The following MPZL3 variants were observed in gnomAD, a reference collection of about 807,000 sequenced individuals.
MPZL3 encodes the protein myelin protein zero like 3, also known as myelin protein zero-like protein 3.
MPZL3 carries 23 observed loss-of-function variants against 24.8 expected under a neutral mutation model. The ratio of observed to expected loss-of-function variants is 0.93; its 90% CI spans 0.67 to 1.31. MPZL3 has a LOEUF of 1.31. MPZL3 is among the 40% of genes most tolerant of loss of function. The pLI is 0.00. For missense variants in MPZL3, 277 were observed against 294.9 expected, an observed-to-expected ratio of 0.94 and a Z score of 0.44; for synonymous variants, 99 against 106.5, an observed-to-expected ratio of 0.93 and a Z score of 0.44.
intron 2 of MPZL3, among the ~76,000 whole-genome samples, chr11:118,239,557 A>C (rs931803259): frequency 2.0e-5 from 3 of 152,248 alleles, no homozygotes; most frequent in South Asian, 2.1e-4. Context: ...TTTAATCTTC[A>C]ATTAGACACC....
At chr11:118,234,154 G>A (rs959480421) in intron 4 of MPZL3, among the ~76,000 whole-genome samples, 3 of 152,190 alleles carry the variant, frequency 2.0e-5, no homozygotes, top group Non-Finnish European at 4.4e-5. Context: ...AGTGTACTGA[G>A]CACTGACAAA....
intron 3 of MPZL3, 123 bp from the exon 4 acceptor site, chr11:118,235,712 T>C (rs1591491842): frequency 9.8e-7 from 1 of 1,017,898 alleles, no homozygotes; most frequent in East Asian, 2.6e-5. Flanking sequence ...TAAATCATTG[T>C]GTGAAAGGTA....
At chr11:118,242,336 ATGT>A (rs1949508225) in intron 1 of MPZL3, among the ~76,000 whole-genome samples, 1 of 152,240 alleles carries the variant, frequency 6.6e-6, no homozygotes, top group South Asian at 2.1e-4. Context: ...CATTTTGATC[ATGT>A]TGTTCATTTC....
chr11:118,231,580 T>C (rs1444707004), intron 5 of MPZL3, among the ~76,000 whole-genome samples: 2 of 152,210 alleles, frequency 1.3e-5, no homozygotes, highest in African/African-American at 4.8e-5. Flanking sequence ...GGAAGTTTAA[T>C]AAGTATTTCA....
intron 4 of MPZL3, among the ~76,000 whole-genome samples, chr11:118,235,204 G>A (rs147167797): frequency 4.7e-4 from 71 of 152,270 alleles, no homozygotes; most frequent in Non-Finnish European, 9.8e-4. Context: ...AGAAGACTAG[G>A]ACCATATATC....
chr11:118,240,519 G>C, intron 1 of MPZL3, 142 bp from the exon 2 acceptor site: 1 of 741,710 alleles, frequency 1.3e-6, no homozygotes. Flanking sequence ...AAGCCCACAA[G>C]GGACAAGGAG....
chr11:118,241,073 C>T (rs1949492135), intron 1 of MPZL3, among the ~76,000 whole-genome samples: 1 of 152,044 alleles, frequency 6.6e-6, no homozygotes, highest in Non-Finnish European at 1.5e-5. Context: ...ATTTTAAAAC[C>T]CACTAGAGAC....
intron 1 of MPZL3, among the ~76,000 whole-genome samples, chr11:118,246,434 CT>C (rs34345916): frequency 0.091 from 13,502 of 147,798 alleles, 2,011 homozygotes; most frequent in African/African-American, 0.31. Flanking sequence ...TAATAATACC[CT>C]TTTTTTTTTT....
In MPZL3 at chr11:118,229,695, A is replaced by G; in HGVS notation, c.*199T>C. 2.1e-6 allele frequency: 1 copy of G among 468,978 alleles called. No homozygotes were observed. Among genetic ancestry groups the G allele is most frequent in the South Asian group, 4.1e-5 (1 of 24,598 alleles). 29.1% of individuals were successfully genotyped at this position (468,978 alleles called of 1,614,324 possible). The stretch of plus-strand genomic sequence containing the variant: ...GGGGAAGTCATGAGTCTCTTATGAG[A>G]GTTCCTGAACAGTTTATAAATACAA... On this transcript the variant is annotated 3_prime_UTR_variant, in exon 6 of 6. Transcript: ENST00000278949.
intron 5 of MPZL3, among the ~76,000 whole-genome samples, chr11:118,230,424 C>T (rs1313789923): frequency 6.6e-6 from 1 of 152,172 alleles, no homozygotes; most frequent in Non-Finnish European, 1.5e-5. Context: ...CCTCATAGAA[C>T]TGTTATGAGA....
At chr11:118,230,191 G>A (rs550832930) in intron 5 of MPZL3, among the ~76,000 whole-genome samples, 7 of 152,178 alleles carry the variant, frequency 4.6e-5, no homozygotes, top group Non-Finnish European at 8.8e-5. Flanking sequence ...AAAGATGCCC[G>A]CCTACCGCAC....
chr11:118,244,333 T>C (rs1477186378), intron 1 of MPZL3, among the ~76,000 whole-genome samples: 1 of 152,180 alleles, frequency 6.6e-6, no homozygotes, highest in East Asian at 1.9e-4. Context: ...TAAGTAATCA[T>C]AAAGACAAAT....
chr11:118,235,719 G>A, intron 3 of MPZL3, 130 bp from the exon 4 acceptor site: 1 of 960,884 alleles, frequency 1.0e-6, no homozygotes, highest in South Asian at 1.8e-5. Context: ...TTGTGTGAAA[G>A]GTAGAAAATA....
intron 1 of MPZL3, among the ~76,000 whole-genome samples, chr11:118,247,470 C>T (rs1004172252): frequency 3.9e-5 from 6 of 152,166 alleles, no homozygotes; most frequent in Non-Finnish European, 2.9e-5. Context: ...GTCCCTAATG[C>T]TGACATAGGA....
chr11:118,235,686 CT>C, intron 3 of MPZL3, 97 bp from the exon 4 acceptor site: 1 of 1,226,680 alleles, frequency 8.2e-7, no homozygotes, highest in South Asian at 1.5e-5. Flanking sequence ...TATATTTCTT[CT>C]GATTACAAAA....
intron 1 of MPZL3, among the ~76,000 whole-genome samples, chr11:118,251,570 T>G (rs1591501296): frequency 6.6e-6 from 1 of 152,192 alleles, no homozygotes; most frequent in African/African-American, 2.4e-5. Flanking sequence ...CACCTAATTT[T>G]AAGATGTGAA....
chr11:118,234,884 T>A (rs1715420), intron 4 of MPZL3, among the ~76,000 whole-genome samples: 46,406 of 151,910 alleles, frequency 0.31, 9,123 homozygotes, highest in African/African-American at 0.56. Context: ...TTTAGGGAAT[T>A]TACTAGATCA....
In MPZL3 at chr11:118,250,632, G is replaced by A. The variant is rs948827133; in HGVS notation, c.73+1590C>T. 5.3e-5 allele frequency among the ~76,000 whole-genome samples: 8 copies of A among 152,256 alleles called. No individual in the cohort carries two copies. The East Asian group carries it at 1.5e-3, about 29-fold the overall frequency. On this transcript the variant is annotated intron_variant, in intron 1 of 5. Coordinates refer to ENST00000278949, the MANE Select transcript of MPZL3 (RefSeq NM_198275.3). Reference sequence around the variant, plus strand: ...TTTCTCTCTTGTCGCCCAGGCTAGAGTGCAATGGCGAGATCTCAGCTCACT... The same window carrying A: ...TTTCTCTCTTGTCGCCCAGGCTAGAATGCAATGGCGAGATCTCAGCTCACT...
chr11:118,236,725 C>A (rs1286383858), intron 3 of MPZL3, among the ~76,000 whole-genome samples: 1 of 152,086 alleles, frequency 6.6e-6, no homozygotes, highest in Non-Finnish European at 1.5e-5. Context: ...GGAATGACTT[C>A]TATTTCACAG....
Sources: gnomAD v4.1 joint callset for allele counts (sites outside exome capture counted in the v4.1 genomes callset) on GRCh38, gnomAD v4.1.1 for gene constraint, MANE v1.5 for transcripts, NCBI Gene and HGNC (gene_info 2026-07-23, HGNC 2026-07-21) for gene names.